The following IMMP2L variants were observed in gnomAD, a reference collection of about 807,000 sequenced individuals.
IMMP2L encodes mitochondrial inner membrane protease subunit 2.
A neutral mutation model predicts 19.3 loss-of-function variants in IMMP2L; 18 were observed. That is an observed-to-expected ratio of 0.93 (90% CI 0.64 to 1.38). IMMP2L has a LOEUF of 1.38. Among genes scored for constraint, IMMP2L ranks in the 40% most tolerant of loss-of-function variants. The probability of loss-of-function intolerance (pLI) is 0.00; values close to 1 mark genes in which losing one functional copy is unlikely to be tolerated. For synonymous variants in IMMP2L, 76 were observed against 73.0 expected, an observed-to-expected ratio of 1.04 and a Z score of -0.21; for missense variants, 233 against 218.2, an observed-to-expected ratio of 1.07 and a Z score of -0.43.
At chr7:111,458,330 G>C (rs950150407) in intron 3 of IMMP2L, among the ~76,000 whole-genome samples, 20 of 151,830 alleles carry the variant, frequency 1.3e-4, no homozygotes, top group African/African-American at 4.6e-4. Context: ...AGTGAGCCAA[G>C]ATCATGCCAC....
rs188287742 is a variant in IMMP2L at position 111,293,590 on chromosome 7, T to C, written c.239+193648A>G. 4.8e-3 allele frequency among the ~76,000 whole-genome samples: 735 copies of C among 152,042 alleles called. 4 individuals carry two copies. The highest frequency in any genetic ancestry group is 5.8e-3 in the Non-Finnish European group (391 of 67,862). On this transcript the variant is annotated intron_variant, in intron 3 of 5. Coordinates refer to ENST00000405709, the MANE Select transcript of IMMP2L (RefSeq NM_032549.4). ...ATTGCTGATTGACAAGGATATAATA[T>C]TATCTGTAGTTTTAAAATATTTTTA...
intron 5 of IMMP2L, among the ~76,000 whole-genome samples, chr7:110,678,626 C>A (rs567968281): frequency 1.3e-5 from 2 of 152,036 alleles, no homozygotes; most frequent in Non-Finnish European, 2.9e-5. Context: ...TTTTGAACTA[C>A]AACCTGGCAT....
At chr7:111,485,371 G>A (rs1842543191) in intron 3 of IMMP2L, among the ~76,000 whole-genome samples, 1 of 151,882 alleles carries the variant, frequency 6.6e-6, no homozygotes, top group Non-Finnish European at 1.5e-5. Flanking sequence ...AGGCCGAGGT[G>A]GATAGATTAT....
chr7:110,794,554 T>G (rs1354384028), intron 5 of IMMP2L, among the ~76,000 whole-genome samples: 1 of 152,078 alleles, frequency 6.6e-6, no homozygotes. Context: ...TATATTCCTA[T>G]TTTTGAGTTA....
In IMMP2L at chr7:110,867,895, T is replaced by G. The variant is rs530586605; in HGVS notation, c.408+18698A>C. Among the ~76,000 whole-genome samples, 24 of 152,152 alleles carry G rather than the reference T, an allele frequency of 1.6e-4. 1 individual carries two copies. The South Asian group carries it at 4.8e-3, about 30-fold the overall frequency. On this transcript the variant is annotated intron_variant, in intron 5 of 5. Transcript: ENST00000405709. The stretch of plus-strand genomic sequence containing the variant: ...ATTATCCTCACATGGAGGTTTCTGA[T>G]GCTGACATTTCTCGGCCTCTCCATG...
rs1471898487 is a variant in IMMP2L at position 111,504,211 on chromosome 7, A to C, written c.136-16870T>G. The stretch of plus-strand genomic sequence containing the variant: ...CAGAGAGCCAAATCATGAGTGAACT[A>C]CCATTCACAATTGCTTCAAAGAGAA... On this transcript the variant is annotated intron_variant, in intron 2 of 5. Transcript: ENST00000405709. Among the ~76,000 whole-genome samples, 878 of 152,048 alleles carry C rather than the reference A, an allele frequency of 5.8e-3. 8 individuals carry two copies. Among genetic ancestry groups the C allele is most frequent in the African/African-American group, 0.018 (737 of 41,458 alleles).
At chr7:110,763,690 G>A (rs1310106677) in intron 5 of IMMP2L, among the ~76,000 whole-genome samples, 1 of 152,116 alleles carries the variant, frequency 6.6e-6, no homozygotes, top group Non-Finnish European at 1.5e-5. Flanking sequence ...ACAAATTGGA[G>A]TAACTTGATT....
At chr7:110,909,938 G>A (rs2129548228) in intron 4 of IMMP2L, among the ~76,000 whole-genome samples, 1 of 152,204 alleles carries the variant, frequency 6.6e-6, no homozygotes, top group East Asian at 1.9e-4. Context: ...GAGAGAGAGA[G>A]AGAGAGAGAG....
intron 5 of IMMP2L, among the ~76,000 whole-genome samples, chr7:110,737,639 C>G (rs577225918): frequency 6.6e-6 from 1 of 152,294 alleles, no homozygotes; most frequent in African/African-American, 2.4e-5. Flanking sequence ...TATGGCCCTG[C>G]CCACCACTTG....
intron 5 of IMMP2L, among the ~76,000 whole-genome samples, chr7:110,835,924 C>G (rs1292625502): frequency 6.6e-6 from 1 of 152,122 alleles, no homozygotes; most frequent in Non-Finnish European, 1.5e-5. Context: ...CAGAGCATGG[C>G]ATATGCTGAA....
intron 3 of IMMP2L, among the ~76,000 whole-genome samples, chr7:111,254,916 CT>C (rs1267864519): frequency 5.3e-5 from 8 of 152,128 alleles, no homozygotes; most frequent in African/African-American, 1.4e-4. Flanking sequence ...TCAACATTAA[CT>C]TTTGCATAGC....
Position 111,311,118 on chromosome 7 carries a change from T to G in IMMP2L, c.239+176120A>C, listed in dbSNP as rs371399333. 3.9e-5 allele frequency among the ~76,000 whole-genome samples: 6 copies of G among 152,228 alleles called. No homozygotes were observed. The East Asian group carries it at 9.7e-4, about 25-fold the overall frequency. ...CCACTTGTCCCCTTCTACCACAATA[T>G]CCTTCATTCCATGGTTCAGAAAGCC... On this transcript the variant is annotated intron_variant, in intron 3 of 5. Coordinates refer to ENST00000405709, the MANE Select transcript of IMMP2L (RefSeq NM_032549.4).
intron 4 of IMMP2L, among the ~76,000 whole-genome samples, chr7:110,897,931 T>C (rs565486321): frequency 1.3e-5 from 2 of 152,038 alleles, no homozygotes; most frequent in South Asian, 2.1e-4. Context: ...AAGAAAATTA[T>C]ATTGAAGATA....
intron 2 of IMMP2L, among the ~76,000 whole-genome samples, chr7:111,498,746 G>T (rs939831304): frequency 6.6e-6 from 1 of 151,952 alleles, no homozygotes; most frequent in Non-Finnish European, 1.5e-5. Flanking sequence ...AGATCCTTTA[G>T]TTCTTCATTG....
chr7:110,744,751 G>A (rs935580817), intron 5 of IMMP2L, among the ~76,000 whole-genome samples: 4 of 152,148 alleles, frequency 2.6e-5, no homozygotes, highest in South Asian at 2.1e-4. Flanking sequence ...GAAGGTCATC[G>A]ACTTCAAAGA....
intron 5 of IMMP2L, among the ~76,000 whole-genome samples, chr7:110,685,133 A>T (rs570723629): frequency 6.6e-6 from 1 of 152,244 alleles, no homozygotes; most frequent in South Asian, 2.1e-4. Context: ...TCATAAAAAA[A>T]TCCTGATAGT....
At chr7:111,148,687 T>G (rs1428825590) in intron 3 of IMMP2L, among the ~76,000 whole-genome samples, 1 of 152,000 alleles carries the variant, frequency 6.6e-6, no homozygotes, top group Non-Finnish European at 1.5e-5. Flanking sequence ...CTACCTTTAT[T>G]CATTCTAAAA....
At chr7:110,688,065 G>T (rs6952247) in intron 5 of IMMP2L, among the ~76,000 whole-genome samples, 4,069 of 152,024 alleles carry the variant, frequency 0.027, 69 homozygotes, top group Middle Eastern at 0.089. Context: ...CATGGAAATC[G>T]AGAGACGGAA....
intron 4 of IMMP2L, among the ~76,000 whole-genome samples, chr7:110,915,638 A>T (rs956130037): frequency 1.3e-5 from 2 of 152,220 alleles, no homozygotes; most frequent in Non-Finnish European, 1.5e-5. Flanking sequence ...ATCTCCCCAC[A>T]TACAGTAGCT....
Sources: allele counts gnomAD v4.1 joint callset (sites outside exome capture counted in the v4.1 genomes callset), GRCh38; gene constraint gnomAD v4.1.1; transcripts MANE v1.5; gene names NCBI Gene and HGNC (gene_info 2026-07-23, HGNC 2026-07-21).